Variants in FOXJ3 observed in about 807,000 individuals in gnomAD.
FOXJ3 encodes the protein forkhead box protein J3.
Under a neutral mutation model 76.1 loss-of-function variants are expected in FOXJ3, and 22 were observed. That is an observed-to-expected ratio of 0.29 (90% CI 0.21 to 0.41). FOXJ3 has a LOEUF of 0.41. Ranked by LOEUF, FOXJ3 falls within the 10% of genes least tolerant of loss-of-function variation. FOXJ3 has a pLI of 1.00. For synonymous variants in FOXJ3, 269 were observed against 261.2 expected (o/e 1.03, Z -0.29); for missense variants, 613 against 762.1 (o/e 0.80, Z 2.30).
chr1:42,269,905 C>G (rs1368250214), intron 3 of FOXJ3, among the ~76,000 whole-genome samples: 1 of 152,172 alleles, frequency 6.6e-6, no homozygotes, highest in East Asian at 1.9e-4. Flanking sequence ...ACTGGTGTCT[C>G]CCTTCCTCTC....
At chr1:42,199,262 T>C in intron 6 of FOXJ3, 32 bp from the exon 7 acceptor site, 1 of 1,586,612 alleles carries the variant, frequency 6.3e-7, no homozygotes, top group South Asian at 1.1e-5. Flanking sequence ...GACAATTGAA[T>C]ATAAGGGTAC....
chr1:42,328,565 C>A (rs1655975715), intron 1 of FOXJ3, among the ~76,000 whole-genome samples: 1 of 151,970 alleles, frequency 6.6e-6, no homozygotes, highest in Admixed American at 6.6e-5. Context: ...CTTAGAGCAA[C>A]CAAGTGGCTT....
chr1:42,189,746 C>T (rs769632321), intron 9 of FOXJ3: 10 of 226,908 alleles, frequency 4.4e-5, no homozygotes, highest in Non-Finnish European at 7.0e-5. Context: ...CTTGATACTG[C>T]TCTTTACATT....
intron 7 of FOXJ3, among the ~76,000 whole-genome samples, chr1:42,197,389 A>T (rs1646672713): frequency 6.6e-6 from 1 of 152,142 alleles, no homozygotes; most frequent in Admixed American, 6.5e-5. Flanking sequence ...GTTTCTTTAT[A>T]TATAATTTAC....
intron 1 of FOXJ3, among the ~76,000 whole-genome samples, chr1:42,321,195 T>C (rs1206008371): frequency 1.3e-5 from 2 of 152,150 alleles, no homozygotes; most frequent in Non-Finnish European, 2.9e-5. Context: ...ATCTATTAAT[T>C]AAAAGTTATC....
chr1:42,251,757 T>C (rs930559969), intron 4 of FOXJ3, among the ~76,000 whole-genome samples: 4 of 140,230 alleles, frequency 2.9e-5, no homozygotes, highest in Non-Finnish European at 4.5e-5. Context: ...TTTGCTCTGT[T>C]GCCCAGGCTG....
Position 42,329,900 on chromosome 1 carries a change from AAACAGAACAGTGTAGTGAT to A in FOXJ3, c.-18+5140_-18+5158del, listed in dbSNP as rs561539077. Among the ~76,000 whole-genome samples the A allele has an allele frequency of 1.3e-3, 198 of 152,340 alleles. No individual in the cohort carries two copies. In the Middle Eastern group the frequency reaches 0.014, roughly 10 times the overall value. On this transcript the variant is annotated intron_variant, in intron 1 of 12. Coordinates refer to ENST00000361346, the MANE Select transcript of FOXJ3 (RefSeq NM_014947.5). ...ATCCTCTATTAATTCGTAACACAGT[AAACAGAACAGTGTAGTGAT>A]TAAGAGCCACAGAGTTCTGAAAATA...
intron 4 of FOXJ3, among the ~76,000 whole-genome samples, chr1:42,228,491 A>C (rs1647769587): frequency 6.7e-6 from 1 of 149,844 alleles, no homozygotes; most frequent in Admixed American, 6.7e-5. Context: ...TTTTGAGACA[A>C]GTTATCACAG....
intron 3 of FOXJ3, among the ~76,000 whole-genome samples, chr1:42,271,549 A>T (rs980895901): frequency 1.3e-5 from 2 of 152,128 alleles, no homozygotes; most frequent in African/African-American, 4.8e-5. Flanking sequence ...AGCACAATAC[A>T]CCCACACACC....
In FOXJ3 at chr1:42,234,753, C is replaced by G. The variant is rs140385261; in HGVS notation, c.445-6787G>C. 6.1e-3 allele frequency among the ~76,000 whole-genome samples: 934 copies of G among 152,234 alleles called. 7 individuals carry two copies. Among genetic ancestry groups the G allele is most frequent in the African/African-American group, 0.021 (883 of 41,550 alleles). On this transcript the variant is annotated intron_variant, in intron 4 of 12. Coordinates refer to ENST00000361346, the MANE Select transcript of FOXJ3 (RefSeq NM_014947.5). ...CAAATGTTGCTGCCTGACCGTTCCT[C>G]TGGAAGTTTTGTCTCAGAGGAGTAC... is the stretch of plus-strand genomic sequence containing the variant.
In FOXJ3 at chr1:42,251,972, C is replaced by A. The variant is rs1232958883; in HGVS notation, c.444+13143G>T. Among the ~76,000 whole-genome samples the A allele has an allele frequency of 3.9e-5, 6 of 152,246 alleles. No individual in the cohort carries two copies. The East Asian group carries it at 1.2e-3, about 29-fold the overall frequency. ...GACCTCGTGATCCGCCCATCTCGGC[C>A]TCCCAAAGTGCTGGGATTACAGGCG... On this transcript the variant is annotated intron_variant, in intron 4 of 12. Coordinates refer to ENST00000361346, the MANE Select transcript of FOXJ3 (RefSeq NM_014947.5).
At chr1:42,210,103 G>A (rs988506559) in intron 5 of FOXJ3, among the ~76,000 whole-genome samples, 3 of 152,322 alleles carry the variant, frequency 2.0e-5, no homozygotes, top group African/African-American at 7.2e-5. Context: ...GTCCGTGGGA[G>A]CTGAGTGGGG....
At chr1:42,180,775 A>G (rs1159331366) in intron 12 of FOXJ3, among the ~76,000 whole-genome samples, 1 of 152,216 alleles carries the variant, frequency 6.6e-6, no homozygotes, top group African/African-American at 2.4e-5. Flanking sequence ...CATGATTCTC[A>G]TTCAATCCTA....
chr1:42,257,472 T>G (rs1304004386), intron 4 of FOXJ3, among the ~76,000 whole-genome samples: 1 of 152,084 alleles, frequency 6.6e-6, no homozygotes, highest in Non-Finnish European at 1.5e-5. Flanking sequence ...TCTCAGCACT[T>G]TGGGAGGCCA....
chr1:42,311,650 AAGTAGTAGT>A (rs142219815), intron 1 of FOXJ3, among the ~76,000 whole-genome samples: 9 of 149,414 alleles, frequency 6.0e-5, no homozygotes, highest in African/African-American at 2.0e-4. Context: ...TTTAAAAAAA[AAGTAGTAGT>A]AGTAGTAGTA....
chr1:42,259,315 G>A (rs901386513), intron 4 of FOXJ3, among the ~76,000 whole-genome samples: 2 of 152,102 alleles, frequency 1.3e-5, no homozygotes, highest in African/African-American at 4.8e-5. Context: ...TGATGGTTAC[G>A]CTGTGTTTGT....
At chr1:42,219,703 G>C (rs1342763756) in intron 5 of FOXJ3, among the ~76,000 whole-genome samples, 1 of 152,196 alleles carries the variant, frequency 6.6e-6, no homozygotes, top group African/African-American at 2.4e-5. Flanking sequence ...CTAGCACTTT[G>C]AGAGGCCAAG....
chr1:42,254,670 T>C (rs1405684609), intron 4 of FOXJ3, among the ~76,000 whole-genome samples: 3 of 143,232 alleles, frequency 2.1e-5, no homozygotes, highest in Non-Finnish European at 4.6e-5. Context: ...TGTAGGGACA[T>C]GGATGAAATT....
intron 11 of FOXJ3, among the ~76,000 whole-genome samples, chr1:42,183,602 A>G (rs1405848149): frequency 6.6e-6 from 1 of 152,052 alleles, no homozygotes; most frequent in Non-Finnish European, 1.5e-5. Context: ...TGGAAAGGCT[A>G]CTTCCCTAAG....
Sources: allele counts gnomAD v4.1 joint callset (sites outside exome capture counted in the v4.1 genomes callset), GRCh38; gene constraint gnomAD v4.1.1; transcripts MANE v1.5; gene names NCBI Gene and HGNC (gene_info 2026-07-23, HGNC 2026-07-21).